MAST2: variants seen among roughly 807,000 people sequenced by gnomAD.
MAST2 encodes the protein microtubule associated serine/threonine kinase 2.
A neutral mutation model predicts 147.4 loss-of-function variants in MAST2; 70 were observed. That is an observed-to-expected ratio of 0.47 (90% CI 0.39 to 0.58). MAST2 has a LOEUF of 0.58. Ranked by LOEUF, MAST2 falls within the 20% of genes least tolerant of loss-of-function variation. MAST2 has a pLI of 0.00. For missense variants in MAST2, 2,080 were observed against 2,302.3 expected, an observed-to-expected ratio of 0.90 and a Z score of 1.98; for synonymous variants, 869 against 896.8, an observed-to-expected ratio of 0.97 and a Z score of 0.55.
At chr1:45,923,497 T>G (rs1468677181) in intron 4 of MAST2, among the ~76,000 whole-genome samples, 1 of 152,242 alleles carries the variant, frequency 6.6e-6, no homozygotes, top group Non-Finnish European at 1.5e-5. Context: ...GGTCATTTGC[T>G]TCTCACACCA....
chr1:46,027,836 G>C lies in MAST2; in HGVS notation c.2025G>C (p.Lys675Asn), dbSNP rs966314117. The change falls in exon 17 of 29, where the codon AAG becomes AAC. Residue 675 changes from lysine to asparagine, a missense_variant. Lys to Asn is a moderately conservative substitution (Grantham distance 94). This residue lies in a region of MAST2 where 209 missense variants were observed against 309.5 expected (regional missense o/e 0.68). Coordinates refer to ENST00000361297, the MANE Select transcript of MAST2 (RefSeq NM_015112.3). ...TTNLYEGHIE[K>N]DAREFLDKQV... ...ACTTGTATGAGGGTCATATTGAAAA[G>C]GATGCCCGGGAATTCCTGGACAAGC... The C allele has an allele frequency of 6.2e-6, 10 of 1,613,998 alleles. No individual in the cohort carries two copies. Among genetic ancestry groups the C allele is most frequent in the Non-Finnish European group, 7.6e-6 (9 of 1,180,030 alleles).
chr1:45,994,274 C>CTTTTTTTTTTTT (rs869216588), intron 5 of MAST2, among the ~76,000 whole-genome samples: 749 of 62,034 alleles, frequency 0.012, 114 homozygotes, highest in East Asian at 0.025. Flanking sequence ...CCCTAACCCT[C>CTTTTTTTTTTTT]TTTTTTTTTT....
At chr1:45,996,364 G>T (rs559658919) in intron 5 of MAST2, among the ~76,000 whole-genome samples, 5 of 152,112 alleles carry the variant, frequency 3.3e-5, no homozygotes, top group East Asian at 1.9e-4. Flanking sequence ...AAAAAGAACA[G>T]AATTTTTTTT....
intron 3 of MAST2, among the ~76,000 whole-genome samples, chr1:45,857,315 C>G (rs184115155): frequency 7.0e-4 from 106 of 152,176 alleles, no homozygotes; most frequent in Non-Finnish European, 1.4e-3. Flanking sequence ...AATCATAAGC[C>G]TATGTAAATG....
intron 5 of MAST2, among the ~76,000 whole-genome samples, chr1:45,991,458 G>A (rs938007426): frequency 5.3e-5 from 8 of 152,100 alleles, no homozygotes; most frequent in African/African-American, 9.7e-5. Flanking sequence ...CATTTAATCC[G>A]TAGATCAAAT....
intron 3 of MAST2, among the ~76,000 whole-genome samples, chr1:45,850,210 G>A (rs1645580154): frequency 1.3e-5 from 2 of 152,140 alleles, no homozygotes; most frequent in Non-Finnish European, 2.9e-5. Context: ...AGTATGTGGA[G>A]CATGTTTTCA....
chr1:45,911,527 A>G (rs1239077026), intron 4 of MAST2, among the ~76,000 whole-genome samples: 1 of 152,158 alleles, frequency 6.6e-6, no homozygotes, highest in Admixed American at 6.5e-5. Flanking sequence ...AGTGATTTAT[A>G]GCATTGGAAA....
chr1:46,006,552 T>C, intron 8 of MAST2, 157 bp downstream of exon 8: 1 of 531,734 alleles, frequency 1.9e-6, no homozygotes, highest in Non-Finnish European at 3.0e-6. Context: ...ACTCTGCTGT[T>C]GTAGTATGAA....
At chr1:45,889,235 G>C (rs989241240) in intron 4 of MAST2, among the ~76,000 whole-genome samples, 5 of 151,976 alleles carry the variant, frequency 3.3e-5, no homozygotes, top group African/African-American at 1.2e-4. Context: ...ACCCAGGTTG[G>C]AGTACAGTGG....
At chr1:45,897,782 C>T (rs1242149816) in intron 4 of MAST2, among the ~76,000 whole-genome samples, 1 of 151,214 alleles carries the variant, frequency 6.6e-6, no homozygotes, top group African/African-American at 2.4e-5. Context: ...GCACTCCAGC[C>T]TGGGCAACAG....
At chr1:46,027,265 C>G (rs1005702280) in intron 16 of MAST2, among the ~76,000 whole-genome samples, 1 of 152,162 alleles carries the variant, frequency 6.6e-6, no homozygotes, top group African/African-American at 2.4e-5. Context: ...TTTCTCCCAA[C>G]TAACCCTCCT....
At chr1:45,818,174 C>G (rs1644514024) in intron 1 of MAST2, among the ~76,000 whole-genome samples, 1 of 152,098 alleles carries the variant, frequency 6.6e-6, no homozygotes, top group African/African-American at 2.4e-5. Flanking sequence ...TTTTTGTTGA[C>G]CAATGCTGGT....
chr1:46,000,578 C>CT (rs1376300342), intron 6 of MAST2, among the ~76,000 whole-genome samples: 1 of 152,104 alleles, frequency 6.6e-6, no homozygotes, highest in African/African-American at 2.4e-5. Flanking sequence ...CAGGTCTATG[C>CT]TAAGTGGCAT....
Position 45,824,554 on chromosome 1 carries a change from G to A in MAST2, c.299G>A (p.Arg100Lys). The A allele has an allele frequency of 3.7e-6, 6 of 1,605,266 alleles. No homozygotes were observed. Among genetic ancestry groups the A allele is most frequent in the Non-Finnish European group, 5.1e-6 (6 of 1,174,760 alleles). The part of the protein sequence containing the change: ...QLSQDDCKLW[R>K]GNLASSLSGK... ...AGTCAGGATGATTGTAAGTTATGGAGAGGAAACCTGGCCAGCTCTCTATCG... is the reference window on the plus strand; with the variant it reads ...AGTCAGGATGATTGTAAGTTATGGAAAGGAAACCTGGCCAGCTCTCTATCG... Residue 100 changes from arginine (R) to lysine (K), a missense_variant, in exon 2 of 29, where the codon AGA (arginine) becomes AAA (lysine). By Grantham distance (26) the Arg-to-Lys change is conservative. This residue lies in a region of MAST2 where 569 missense variants were observed against 642.5 expected (regional missense o/e 0.89). Transcript: ENST00000361297.
chr1:45,829,292 G>T, intron 2 of MAST2, 147 bp from the exon 3 acceptor site: 2 of 665,276 alleles, frequency 3.0e-6, no homozygotes, highest in Non-Finnish European at 2.3e-6. Context: ...TGGATAGTTG[G>T]AAATTTTAAT....
chr1:46,019,547 C>A, intron 10 of MAST2, 49 bp from the exon 11 acceptor site: 2 of 1,505,714 alleles, frequency 1.3e-6, no homozygotes, highest in East Asian at 2.3e-5. Flanking sequence ...TCCTGCTTAG[C>A]CCAGCCACAC....
intron 4 of MAST2, among the ~76,000 whole-genome samples, chr1:45,895,855 A>G (rs930735438): frequency 3.9e-5 from 6 of 152,180 alleles, no homozygotes; most frequent in African/African-American, 1.4e-4. Flanking sequence ...GCACATGTCT[A>G]TGTGTTCATC....
At chr1:45,870,589 C>CT (rs1646343711) in intron 3 of MAST2, among the ~76,000 whole-genome samples, 1 of 150,330 alleles carries the variant, frequency 6.7e-6, no homozygotes, top group South Asian at 2.1e-4. Context: ...CTTTGTATTT[C>CT]TAATATTGGG....
At position 46,036,111 on chromosome 1, in the gene MAST2, T is replaced by C; in HGVS notation, c.*45T>C. ...GCACTCAGACCTGTGTAATATATGCTCCTGGAAACCATCTTTATGTCTTTT... is the reference window on the plus strand; with the variant it reads ...GCACTCAGACCTGTGTAATATATGCCCCTGGAAACCATCTTTATGTCTTTT... On this transcript the variant is annotated 3_prime_UTR_variant, in exon 29 of 29. Transcript: ENST00000361297. 1 of 1,515,588 alleles carries C rather than the reference T, an allele frequency of 6.6e-7. No individual in the cohort carries two copies. The highest frequency in any genetic ancestry group is 1.4e-5 in the African/African-American group (1 of 72,082). The allele number at this position is 1,515,588 out of a possible 1,614,324, so 93.9% of individuals were successfully genotyped here. A position where few individuals can be genotyped will look rare whatever the true frequency, so the allele number is the denominator to read the frequency against.
Sources: allele counts gnomAD v4.1 joint callset (sites outside exome capture counted in the v4.1 genomes callset), GRCh38; gene constraint gnomAD v4.1.1; regional missense constraint gnomAD v4.1.1; transcripts MANE v1.5; gene names NCBI Gene and HGNC (gene_info 2026-07-23, HGNC 2026-07-21).